ROBO2: variants seen among roughly 807,000 people sequenced by gnomAD.
The protein encoded by ROBO2 is roundabout homolog 2.
A neutral mutation model predicts 160.8 loss-of-function variants in ROBO2; 53 were observed. That is an observed-to-expected ratio of 0.33 (90% CI 0.26 to 0.41). ROBO2 has a LOEUF of 0.41. Ranked by LOEUF, ROBO2 falls within the 10% of genes least tolerant of loss-of-function variation. The probability of loss-of-function intolerance (pLI) is 1.00; values close to 1 mark genes in which losing one functional copy is unlikely to be tolerated. For synonymous variants in ROBO2, 664 were observed against 611.7 expected (o/e 1.09, Z -1.26); for missense variants, 1,577 against 1,722.4 (o/e 0.92, Z 1.49).
chr3:76,818,882 A>G (rs2065897972), intron 2 of ROBO2, among the ~76,000 whole-genome samples: 1 of 152,054 alleles, frequency 6.6e-6, no homozygotes, highest in African/African-American at 2.4e-5. Context: ...GTTTGAAGTC[A>G]GATGATGTGA....
intron 2 of ROBO2, among the ~76,000 whole-genome samples, chr3:76,304,756 T>C (rs1198872381): frequency 7.6e-6 from 1 of 130,764 alleles, no homozygotes; most frequent in East Asian, 3.4e-4. Flanking sequence ...CCTTCTTTCT[T>C]TCTTTCTTTC....
At chr3:77,167,016 T>C (rs2079160243) in intron 2 of ROBO2, among the ~76,000 whole-genome samples, 2 of 152,326 alleles carry the variant, frequency 1.3e-5, no homozygotes, top group South Asian at 4.1e-4. Flanking sequence ...ATCTGGCCCG[T>C]AGGAGGTACC....
intron 2 of ROBO2, among the ~76,000 whole-genome samples, chr3:76,099,072 T>C (rs1053989621): frequency 6.6e-6 from 1 of 152,310 alleles, no homozygotes; most frequent in Middle Eastern, 3.4e-3. Flanking sequence ...TAAAATGATA[T>C]GTGGATTTTC....
At chr3:76,419,428 G>A (rs1559916418) in intron 2 of ROBO2, among the ~76,000 whole-genome samples, 1 of 151,128 alleles carries the variant, frequency 6.6e-6, no homozygotes, top group Non-Finnish European at 1.5e-5. Flanking sequence ...AATGGAAATG[G>A]GTTACAAACA....
At chr3:76,925,770 C>T (rs575208160) in intron 2 of ROBO2, among the ~76,000 whole-genome samples, 1 of 152,290 alleles carries the variant, frequency 6.6e-6, no homozygotes, top group Non-Finnish European at 1.5e-5. Flanking sequence ...TTACAAAAAT[C>T]TGGTGACCGA....
intron 2 of ROBO2, among the ~76,000 whole-genome samples, chr3:76,408,980 G>A (rs1024857589): frequency 6.6e-6 from 1 of 151,836 alleles, no homozygotes. Flanking sequence ...AATACACTAG[G>A]GTGTAGAAAA....
intron 2 of ROBO2, among the ~76,000 whole-genome samples, chr3:76,105,680 A>G (rs1249057279): frequency 6.6e-6 from 1 of 152,160 alleles, no homozygotes; most frequent in Admixed American, 6.5e-5. Flanking sequence ...CTGTAGAAAT[A>G]GAGTAACCTA....
At chr3:76,765,386 T>G (rs964016464) in intron 2 of ROBO2, among the ~76,000 whole-genome samples, 5 of 151,548 alleles carry the variant, frequency 3.3e-5, no homozygotes, top group African/African-American at 7.3e-5. Flanking sequence ...ACCCAGAGTG[T>G]GGTGGTTTTT....
intron 2 of ROBO2, among the ~76,000 whole-genome samples, chr3:76,349,578 C>T (rs2108271109): frequency 6.6e-6 from 1 of 152,168 alleles, no homozygotes; most frequent in Non-Finnish European, 1.5e-5. Flanking sequence ...TTTGTGTGTG[C>T]TTAAGATATC....
chr3:77,040,674 A>T, exon 1 of ROBO2: 1 of 1,596,496 alleles, frequency 6.3e-7, no homozygotes, highest in Admixed American at 1.7e-5. Context: ...TTTAATTAGT[A>T]TCTAGGAAAG....
At chr3:76,323,438 A>T (rs2072747305) in intron 2 of ROBO2, among the ~76,000 whole-genome samples, 1 of 152,304 alleles carries the variant, frequency 6.6e-6, no homozygotes, top group South Asian at 2.1e-4. Context: ...AAATGCAATC[A>T]CTGTTCATTA....
At chr3:77,529,872 T>G (rs538962098) in intron 6 of ROBO2, among the ~76,000 whole-genome samples, 1 of 152,038 alleles carries the variant, frequency 6.6e-6, no homozygotes, top group South Asian at 2.1e-4. Context: ...AAACTGAATG[T>G]TGGATATGTT....
intron 2 of ROBO2, among the ~76,000 whole-genome samples, chr3:77,244,593 C>T (rs1392491583): frequency 6.6e-6 from 1 of 152,038 alleles, no homozygotes; most frequent in African/African-American, 2.4e-5. Context: ...AAAATCCCAA[C>T]TTAAGGCCAG....
At chr3:76,742,057 T>A (rs1365181381) in intron 2 of ROBO2, among the ~76,000 whole-genome samples, 1 of 152,050 alleles carries the variant, frequency 6.6e-6, no homozygotes, top group Non-Finnish European at 1.5e-5. Context: ...AGCTAATAAA[T>A]GAGTGAAAAA....
chr3:76,491,121 G>A (rs985876403), intron 2 of ROBO2, among the ~76,000 whole-genome samples: 1 of 151,770 alleles, frequency 6.6e-6, no homozygotes, highest in Non-Finnish European at 1.5e-5. Flanking sequence ...CAGCAGGCCT[G>A]GCTAATTTTT....
chr3:76,657,708 G>A (rs28845581), intron 2 of ROBO2, among the ~76,000 whole-genome samples: 30 of 132,862 alleles, frequency 2.3e-4, no homozygotes, highest in African/African-American at 8.7e-4. Context: ...ATTCATATAT[G>A]TGTGTATATA....
chr3:77,180,073 G>A (rs534169385), intron 2 of ROBO2, among the ~76,000 whole-genome samples: 11 of 151,928 alleles, frequency 7.2e-5, no homozygotes, highest in Non-Finnish European at 8.8e-5. Flanking sequence ...TTGCCGCCTG[G>A]AAAAGAGCCA....
At chr3:76,604,548 A>G (rs780053327) in intron 2 of ROBO2, among the ~76,000 whole-genome samples, 18 of 152,166 alleles carry the variant, frequency 1.2e-4, no homozygotes, top group Non-Finnish European at 2.2e-4. Context: ...AATTTAGTAG[A>G]TGTGTCCCTA....
chr3:76,352,376 G>A (rs893635099), intron 2 of ROBO2, among the ~76,000 whole-genome samples: 48 of 152,022 alleles, frequency 3.2e-4, no homozygotes, highest in African/African-American at 1.1e-3. Context: ...TCCTCTTCTT[G>A]CTTGCTCTCA....
Sources: allele counts gnomAD v4.1 joint callset (sites outside exome capture counted in the v4.1 genomes callset), GRCh38; gene constraint gnomAD v4.1.1; transcripts MANE v1.5; gene names NCBI Gene and HGNC (gene_info 2026-07-23, HGNC 2026-07-21).